PFKFB3: variants seen among roughly 807,000 people sequenced by gnomAD.
The protein encoded by PFKFB3 is 6-phosphofructo-2-kinase/fructose-2,6-bisphosphatase 3.
PFKFB3 carries 33 observed loss-of-function variants against 68.0 expected under a neutral mutation model. The ratio of observed to expected loss-of-function variants is 0.49; its 90% confidence interval spans 0.37 to 0.65. The LOEUF is 0.65. Among genes scored for constraint, PFKFB3 ranks in the 30% least tolerant of loss-of-function variants. PFKFB3 has a pLI of 0.00. For synonymous variants in PFKFB3, 315 were observed against 288.2 expected, an observed-to-expected ratio of 1.09 and a Z score of -0.94; for missense variants, 586 against 712.2, an observed-to-expected ratio of 0.82 and a Z score of 2.02.
chr10:6,262,446 C>T, the PFKFB3 span, among the ~76,000 whole-genome samples: 1 of 98,498 alleles, frequency 1.0e-5, no homozygotes, highest in Non-Finnish European at 1.9e-5. Flanking sequence ...CAGCGAGACT[C>T]CATCTCAAAA....
intron 1 of PFKFB3, among the ~76,000 whole-genome samples, chr10:6,153,652 G>A (rs1485553566): frequency 3.3e-5 from 5 of 152,130 alleles, no homozygotes; most frequent in Admixed American, 2.0e-4. Context: ...TCAGGAGTTC[G>A]AGACCAGCCT....
In PFKFB3 at chr10:6,226,231, A is replaced by C; in HGVS notation, c.1381A>C (p.Ser461Arg). ...KGPNPLMRRN[S>R]VTPLASPEPT... is the part of the protein sequence containing the mutation. ...ACCTAACCCGCTCATGAGACGCAAT[A>C]GTGTCACCCCGCTAGCCAGCCCCGA... is the stretch of plus-strand genomic sequence containing the variant. Residue 461 changes from serine (S) to arginine (R), a missense_variant, in exon 14 of 15, where the codon AGT (serine) becomes CGT (arginine). By Grantham distance (110) the Ser-to-Arg change is moderately radical. Coordinates refer to ENST00000379775, the MANE Select transcript of PFKFB3 (RefSeq NM_004566.4). 6.2e-7 allele frequency: 1 copy of C among 1,613,256 alleles called. No homozygotes were observed. Among genetic ancestry groups the C allele is most frequent in the Non-Finnish European group, 8.5e-7 (1 of 1,179,628 alleles).
chr10:6,317,652 T>C, the PFKFB3 span, among the ~76,000 whole-genome samples: 3 of 152,162 alleles, frequency 2.0e-5, no homozygotes, highest in Non-Finnish European at 4.4e-5. Flanking sequence ...CATTTCAAGA[T>C]CCTAAGGTCT....
In PFKFB3 at chr10:6,219,586, C is replaced by T; in HGVS notation, c.516C>T (p.Ser172=). Residue 172 remains serine (S), a synonymous_variant, in exon 7 of 15, where the codon AGC becomes AGT. Coordinates refer to ENST00000379775, the MANE Select transcript of PFKFB3 (RefSeq NM_004566.4). ...TGTTGCAGGAAGTTAAAATCTCCAGCCCGGATTACAAAGACTGCAACTCGG... is the reference window on the plus strand; with the variant it reads ...TGTTGCAGGAAGTTAAAATCTCCAGTCCGGATTACAAAGACTGCAACTCGG... ...ASNIMEVKIS[S]PDYKDCNSAE... 6.2e-7 allele frequency: 1 copy of T among 1,613,954 alleles called. No homozygotes were observed. Among genetic ancestry groups the T allele is most frequent in the East Asian group, 2.2e-5 (1 of 44,882 alleles).
At chr10:6,320,370 G>A in the PFKFB3 span, among the ~76,000 whole-genome samples, 1 of 152,068 alleles carries the variant, frequency 6.6e-6, no homozygotes, top group South Asian at 2.1e-4. Flanking sequence ...AAATGTATGA[G>A]CTTATAAAGG....
chr10:6,253,271 A>C (rs1318206579), intron 14 of PFKFB3, among the ~76,000 whole-genome samples: 1 of 152,214 alleles, frequency 6.6e-6, no homozygotes, highest in Non-Finnish European at 1.5e-5. Flanking sequence ...CTTGTAATTA[A>C]AAATCATAAA....
At chr10:6,259,275 A>G (rs1175042210), downstream of PFKFB3, among the ~76,000 whole-genome samples, 1 of 133,410 alleles carries the variant, frequency 7.5e-6, no homozygotes, top group Non-Finnish European at 1.6e-5. Context: ...CATCCACCCA[A>G]CCATCCATCC....
chr10:6,254,849 G>C, downstream of PFKFB3, among the ~76,000 whole-genome samples: 1 of 102,258 alleles, frequency 9.8e-6, no homozygotes, highest in South Asian at 3.4e-4. Context: ...AAAGAATCTC[G>C]CTCTGTCACC....
chr10:6,263,074 G>C, the PFKFB3 span, among the ~76,000 whole-genome samples: 1 of 152,208 alleles, frequency 6.6e-6, no homozygotes, highest in Non-Finnish European at 1.5e-5. Context: ...GAAATTAGGG[G>C]TCTCATAGCC....
rs398096762 is a variant in PFKFB3, at chr10:6,210,328, CT to C, written c.77-3294del. Among the ~76,000 whole-genome samples the C allele has an allele frequency of 1.4e-4, 9 of 64,286 alleles. 2 individuals are homozygous for C. The highest frequency in any genetic ancestry group is 8.7e-4 in the East Asian group (2 of 2,286). The allele number at this position is 64,286 out of a possible 152,430, so 42.2% of individuals were successfully genotyped here. A position where few individuals can be genotyped will look rare whatever the true frequency, so the allele number is the denominator to read the frequency against. ...ACAGGTGCAAACACCTCAGGCGCCC[CT>C]CTCTTTGTTTTTTTTTGTTTTTTTT... On this transcript the variant is annotated intron_variant, in intron 1 of 14. Transcript: ENST00000379775.
chr10:6,224,948 T>C (rs1200213260), intron 13 of PFKFB3, among the ~76,000 whole-genome samples: 1 of 139,640 alleles, frequency 7.2e-6, no homozygotes, highest in East Asian at 2.1e-4. Context: ...GAACACGGTG[T>C]TGAGAGACGG....
At position 6,184,950 on chromosome 10, in the gene PFKFB3, T is replaced by A. The variant is rs1205122382; in HGVS notation, c.17-28673T>A. 2.6e-5 allele frequency among the ~76,000 whole-genome samples: 4 copies of A among 152,124 alleles called. No homozygotes were observed. The East Asian group carries it at 7.7e-4, about 29-fold the overall frequency. ...TGCCACAGGTATTGAAAGCCACTGA[T>A]CTCCACCATGGTCAGACTTAGCCAT... On this transcript the variant is annotated intron_variant, in intron 1 of 14. Transcript: ENST00000379789.
the PFKFB3 span, among the ~76,000 whole-genome samples, chr10:6,285,503 G>A: frequency 3.3e-3 from 502 of 152,280 alleles, 7 homozygotes; most frequent in African/African-American, 0.011. Context: ...AAAGTGCTGG[G>A]ATTACAGGCA....
upstream of PFKFB3, chr10:6,202,813 A>C (rs1018873177): frequency 7.6e-6 from 7 of 915,928 alleles, no homozygotes; most frequent in East Asian, 1.2e-4. Flanking sequence ...CGGCTCGCCC[A>C]CCCTCCTCCC....
chr10:6,315,365 G>A, the PFKFB3 span, among the ~76,000 whole-genome samples: 4 of 152,214 alleles, frequency 2.6e-5, no homozygotes, highest in Admixed American at 6.5e-5. Context: ...TCTGTAAAGC[G>A]AAAGCAAGTT....
rs192843005 is a variant in PFKFB3 at position 6,228,496 on chromosome 10, C to T, written c.1515+2131C>T. On this transcript the variant is annotated intron_variant, in intron 14 of 14. Transcript: ENST00000379775. The surrounding 1 kb of genome is among the most constrained non-coding windows in gnomAD (Gnocchi z 4.5). ...CCCCTACCCTCTCAGGGCTGCAGGT[C>T]GTGGTGTGTAATGGCCGTGGTTTAG... Among the ~76,000 whole-genome samples, 24 of 152,154 alleles carry T rather than the reference C, an allele frequency of 1.6e-4. No individual in the cohort carries two copies. The highest frequency in any genetic ancestry group is 1.5e-3 in the South Asian group (7 of 4,814).
At chr10:6,313,137 T>C in the PFKFB3 span, among the ~76,000 whole-genome samples, 26,581 of 152,194 alleles carry the variant, frequency 0.17, 2,457 homozygotes, top group Middle Eastern at 0.27. The surrounding 1 kb of genome is among the most constrained non-coding windows in gnomAD (Gnocchi z 4.2). Flanking sequence ...TATTGCTTGT[T>C]TGAAAACAAA....
At chr10:6,260,413 C>CAA in the PFKFB3 span, among the ~76,000 whole-genome samples, 9 of 86,904 alleles carry the variant, frequency 1.0e-4, no homozygotes, top group African/African-American at 2.4e-4. Flanking sequence ...GACTCCGTCT[C>CAA]AAAAAAAAAA....
upstream of PFKFB3, among the ~76,000 whole-genome samples, chr10:6,200,386 G>A (rs1588460005): frequency 6.6e-6 from 1 of 152,174 alleles, no homozygotes; most frequent in Non-Finnish European, 1.5e-5. Context: ...CATTTGGGGT[G>A]AAGATGGGGC....
Sources: allele counts gnomAD v4.1 joint callset (sites outside exome capture counted in the v4.1 genomes callset), GRCh38; gene constraint gnomAD v4.1.1; non-coding constraint Gnocchi (gnomAD v3.1); transcripts MANE v1.5; gene names NCBI Gene and HGNC (gene_info 2026-07-23, HGNC 2026-07-21).